Variants in ASIC2 observed in about 807,000 individuals in gnomAD.
ASIC2 encodes acid-sensing ion channel 2.
A neutral mutation model predicts 57.3 loss-of-function variants in ASIC2; 25 were observed. The ratio of observed to expected loss-of-function variants is 0.44; its 90% CI spans 0.32 to 0.61. The LOEUF is 0.61. Among genes scored for constraint, ASIC2 ranks in the 20% least tolerant of loss-of-function variants. The probability of loss-of-function intolerance (pLI) is 0.06; values close to 1 mark genes in which losing one functional copy is unlikely to be tolerated. For missense variants in ASIC2, 641 were observed against 738.1 expected, an observed-to-expected ratio of 0.87 and a Z score of 1.52; for synonymous variants, 319 against 307.5, an observed-to-expected ratio of 1.04 and a Z score of -0.39.
intron 1 of ASIC2, among the ~76,000 whole-genome samples, chr17:33,844,362 A>G (rs537886604): frequency 6.6e-6 from 1 of 152,174 alleles, no homozygotes; most frequent in Admixed American, 6.5e-5. Flanking sequence ...ATTCTCCAAC[A>G]CTGGATGGGA....
intron 1 of ASIC2, among the ~76,000 whole-genome samples, chr17:33,767,422 G>A (rs931379292): frequency 6.6e-6 from 1 of 152,212 alleles, no homozygotes; most frequent in East Asian, 1.9e-4. Flanking sequence ...ATAAATTAGT[G>A]AGTGTAGAAA....
intron 1 of ASIC2, among the ~76,000 whole-genome samples, chr17:33,684,853 T>C (rs889596204): frequency 4.6e-5 from 7 of 152,070 alleles, no homozygotes; most frequent in African/African-American, 1.7e-4. Context: ...AAGAGCACCG[T>C]CTTGTGGGAA....
At chr17:33,187,240 C>T (rs1906233322) in intron 1 of ASIC2, among the ~76,000 whole-genome samples, 2 of 152,168 alleles carry the variant, frequency 1.3e-5, no homozygotes, top group African/African-American at 4.8e-5. Context: ...ACATGTCGAA[C>T]AACCAACGCT....
At chr17:33,889,941 A>T (rs145873006) in intron 1 of ASIC2, among the ~76,000 whole-genome samples, 1 of 152,296 alleles carries the variant, frequency 6.6e-6, no homozygotes, top group East Asian at 1.9e-4. Flanking sequence ...ATGTTCCAAG[A>T]TAAGCATGTC....
At chr17:33,021,186 A>G in intron 7 of ASIC2, 33 bp downstream of exon 7, 1 of 534,708 alleles carries the variant, frequency 1.9e-6, no homozygotes. Flanking sequence ...CCTCTATGAG[A>G]TGTGGAAATT....
At chr17:33,960,087 A>G (rs1904870745) in intron 1 of ASIC2, among the ~76,000 whole-genome samples, 1 of 152,330 alleles carries the variant, frequency 6.6e-6, no homozygotes, top group Admixed American at 6.5e-5. Context: ...TTGGTTTAGG[A>G]ATGAGCATCT....
intron 1 of ASIC2, among the ~76,000 whole-genome samples, chr17:33,344,200 G>A (rs1450285629): frequency 6.6e-6 from 1 of 152,130 alleles, no homozygotes; most frequent in African/African-American, 2.4e-5. Flanking sequence ...CCCAATACAG[G>A]GTGGATGCTC....
At chr17:33,410,631 C>G (rs916406110) in intron 1 of ASIC2, among the ~76,000 whole-genome samples, 3 of 152,128 alleles carry the variant, frequency 2.0e-5, no homozygotes, top group Non-Finnish European at 4.4e-5. Context: ...CCATGAGGCC[C>G]TCGTGCCCAT....
intron 1 of ASIC2, among the ~76,000 whole-genome samples, chr17:34,153,423 C>T (rs1479422011): frequency 3.9e-5 from 6 of 152,224 alleles, no homozygotes; most frequent in Admixed American, 1.3e-4. Context: ...CAACAACCAC[C>T]TGTCCAGGCT....
intron 1 of ASIC2, among the ~76,000 whole-genome samples, chr17:33,769,419 G>T (rs542972502): frequency 6.6e-6 from 1 of 152,264 alleles, no homozygotes; most frequent in East Asian, 1.9e-4. Flanking sequence ...AGCACAGCAG[G>T]CCAAGTAGAC....
At chr17:33,608,900 G>T (rs1388409351) in intron 1 of ASIC2, among the ~76,000 whole-genome samples, 2 of 152,102 alleles carry the variant, frequency 1.3e-5, no homozygotes, top group Non-Finnish European at 2.9e-5. Flanking sequence ...TTAGCCCAAA[G>T]ACCTAGGAAA....
In ASIC2 at chr17:33,218,776, G is replaced by A. The variant is rs969918396; in HGVS notation, c.708+72632C>T. The stretch of plus-strand genomic sequence containing the variant: ...CAGCAGGGACGGTAAATCCGATCAG[G>A]TTGTTGCTCGGGGCATCTCTCTTCC... On this transcript the variant is annotated intron_variant, in intron 1 of 9. Transcript: ENST00000225823. Among the ~76,000 whole-genome samples the A allele has an allele frequency of 5.3e-5, 8 of 152,010 alleles. No homozygotes were observed. The East Asian group carries it at 1.5e-3, about 29-fold the overall frequency.
chr17:33,782,822 G>T (rs1388145056), intron 1 of ASIC2, among the ~76,000 whole-genome samples: 4 of 152,176 alleles, frequency 2.6e-5, no homozygotes, highest in African/African-American at 9.7e-5. Flanking sequence ...ATGCTGAGAA[G>T]AACATCCAAA....
intron 1 of ASIC2, among the ~76,000 whole-genome samples, chr17:33,250,427 A>T (rs9989471): frequency 6.6e-6 from 1 of 152,092 alleles, no homozygotes; most frequent in Non-Finnish European, 1.5e-5. Context: ...AGGGCCAGGG[A>T]AGATCATGCC....
chr17:33,458,976 T>C (rs1448224404), intron 1 of ASIC2, among the ~76,000 whole-genome samples: 1 of 152,136 alleles, frequency 6.6e-6, no homozygotes, highest in Admixed American at 6.5e-5. Context: ...GATGGTCTCA[T>C]TACTGGAAAA....
At chr17:34,037,840 A>G (rs1567796764) in intron 1 of ASIC2, 98 of 1,613,928 alleles carry the variant, frequency 6.1e-5, no homozygotes, top group Non-Finnish European at 8.1e-5. Context: ...ACTGCACTTC[A>G]GTAGCTTTAA....
intron 2 of ASIC2, among the ~76,000 whole-genome samples, chr17:33,099,137 C>T (rs144085977): frequency 0.017 from 2,556 of 151,978 alleles, 51 homozygotes; most frequent in Admixed American, 0.046. Flanking sequence ...GGATTACAGG[C>T]ATGCACCACC....
intron 1 of ASIC2, among the ~76,000 whole-genome samples, chr17:33,392,188 T>TTCCC (rs1452040548): frequency 0.01 from 307 of 29,902 alleles, no homozygotes; most frequent in African/African-American, 0.027. Context: ...CCTTCCTTCC[T>TTCCC]TCCTTCCCTC....
chr17:33,762,425 A>ATC (rs1378084616), intron 1 of ASIC2, among the ~76,000 whole-genome samples: 4 of 152,202 alleles, frequency 2.6e-5, no homozygotes, highest in Non-Finnish European at 5.9e-5. Context: ...GGTGTGCAGC[A>ATC]ACTCACTTTT....
Sources: gnomAD v4.1 joint callset for allele counts (sites outside exome capture counted in the v4.1 genomes callset) on GRCh38, gnomAD v4.1.1 for gene constraint, MANE v1.5 for transcripts, NCBI Gene and HGNC (gene_info 2026-07-23, HGNC 2026-07-21) for gene names.